PLXNA4: variants seen among roughly 807,000 people sequenced by gnomAD.
PLXNA4 encodes plexin-A4.
In PLXNA4, 44 loss-of-function variants were observed where a neutral mutation model predicts 191.8. The observed-to-expected ratio is 0.23, with a 90% CI of 0.18 to 0.29. PLXNA4 has a LOEUF of 0.29. Ranked by LOEUF, PLXNA4 falls within the 10% of genes least tolerant of loss-of-function variation. PLXNA4 has a pLI of 1.00. For synonymous variants in PLXNA4, 1,082 were observed against 1,009.5 expected, an observed-to-expected ratio of 1.07 and a Z score of -1.36; for missense variants, 1,800 against 2,488.8, an observed-to-expected ratio of 0.72 and a Z score of 5.89.
chr7:132,397,494 T>G (rs2117024446), intron 3 of PLXNA4, among the ~76,000 whole-genome samples: 1 of 152,254 alleles, frequency 6.6e-6, no homozygotes, highest in South Asian at 2.1e-4. Context: ...TACCACACAC[T>G]CATGAGAGCC....
At chr7:132,342,832 AG>A (rs1171338297) in intron 3 of PLXNA4, among the ~76,000 whole-genome samples, 1 of 151,786 alleles carries the variant, frequency 6.6e-6, no homozygotes, top group Non-Finnish European at 1.5e-5. Context: ...CTGTAATCCC[AG>A]CTACTCAGGT....
At chr7:132,418,722 C>A (rs568612983) in intron 3 of PLXNA4, among the ~76,000 whole-genome samples, 2 of 152,232 alleles carry the variant, frequency 1.3e-5, no homozygotes, top group African/African-American at 4.8e-5. Flanking sequence ...GCAAAGGGGG[C>A]AACTGGCAGT....
chr7:132,638,645 C>G (rs956690637), intron 2 of PLXNA4, among the ~76,000 whole-genome samples: 4 of 152,018 alleles, frequency 2.6e-5, no homozygotes, highest in Non-Finnish European at 5.9e-5. Context: ...GAGCAAGACT[C>G]TGTCTCAAAA....
intron 2 of PLXNA4, among the ~76,000 whole-genome samples, chr7:132,489,841 G>A (rs972890875): frequency 7.2e-5 from 11 of 152,220 alleles, no homozygotes; most frequent in Admixed American, 2.0e-4. Context: ...CAGCCCAGAT[G>A]AGCAGGGGCT....
chr7:132,266,222 T>A (rs1215235535), intron 4 of PLXNA4: 1 of 152,154 alleles, frequency 6.6e-6, no homozygotes, highest in East Asian at 1.9e-4. Context: ...TAAAAATCCA[T>A]CACAATCAAT....
At chr7:132,322,096 G>C (rs1410882689) in intron 3 of PLXNA4, among the ~76,000 whole-genome samples, 1 of 152,026 alleles carries the variant, frequency 6.6e-6, no homozygotes, top group African/African-American at 2.4e-5. Context: ...GGAAATCTTT[G>C]CATGCAGGCA....
chr7:132,286,404 C>T (rs1248533143), intron 4 of PLXNA4, among the ~76,000 whole-genome samples: 2 of 152,074 alleles, frequency 1.3e-5, no homozygotes, highest in Non-Finnish European at 2.9e-5. Context: ...CTTAGAGTGC[C>T]CCGAAAGTAA....
At chr7:132,179,515 A>G (rs570394631) in intron 20 of PLXNA4, among the ~76,000 whole-genome samples, 172 bp downstream of exon 20, 61 of 151,144 alleles carry the variant, frequency 4.0e-4, no homozygotes, top group Middle Eastern at 3.4e-3. Context: ...ACACACATGC[A>G]CACACACACA....
At chr7:132,563,090 C>CTTA (rs1801378755) in intron 1 of PLXNA4, among the ~76,000 whole-genome samples, 1 of 75,462 alleles carries the variant, frequency 1.3e-5, no homozygotes, top group African/African-American at 4.9e-5. Flanking sequence ...TCCTCCTCCT[C>CTTA]TTCTTCCTCC....
At chr7:132,567,933 CATCA>C (rs1008988039) in intron 1 of PLXNA4, among the ~76,000 whole-genome samples, 6 of 152,146 alleles carry the variant, frequency 3.9e-5, no homozygotes, top group Admixed American at 3.3e-4. Context: ...GATTTGCTCA[CATCA>C]ATCAGTGGTT....
intron 1 of PLXNA4, among the ~76,000 whole-genome samples, chr7:132,531,916 A>G (rs1244641593): frequency 6.6e-6 from 1 of 152,202 alleles, no homozygotes; most frequent in East Asian, 1.9e-4. Context: ...AGAATCACTA[A>G]TATACAGAAT....
chr7:132,563,808 CCTCCTCCTT>C (rs1801529418), intron 1 of PLXNA4, among the ~76,000 whole-genome samples: 1 of 90,476 alleles, frequency 1.1e-5, no homozygotes, highest in African/African-American at 3.9e-5. Flanking sequence ...TCCTCCTTCT[CCTCCTCCTT>C]CTCCTCCTCC....
chr7:132,396,951 C>G (rs1276144675), intron 3 of PLXNA4, among the ~76,000 whole-genome samples: 1 of 152,200 alleles, frequency 6.6e-6, no homozygotes, highest in African/African-American at 2.4e-5. Flanking sequence ...GCGGCCCTGC[C>G]CCACACCTGC....
intron 3 of PLXNA4, among the ~76,000 whole-genome samples, chr7:132,395,437 C>A (rs1332106715): frequency 6.6e-6 from 1 of 152,180 alleles, no homozygotes; most frequent in Non-Finnish European, 1.5e-5. Context: ...CAGAGAGAGT[C>A]CTGCTGAGAG....
At chr7:132,206,404 G>A (rs560692821) in intron 10 of PLXNA4, among the ~76,000 whole-genome samples, 9 of 151,312 alleles carry the variant, frequency 5.9e-5, no homozygotes, top group African/African-American at 1.9e-4. Context: ...ATATGTATGG[G>A]GATGTATACA....
At chr7:132,156,609 CG>C (rs1031686383) in intron 25 of PLXNA4, among the ~76,000 whole-genome samples, 1 of 152,182 alleles carries the variant, frequency 6.6e-6, no homozygotes, top group African/African-American at 2.4e-5. Context: ...GGGAGAAAGT[CG>C]GGGGGCATGC....
intron 2 of PLXNA4, among the ~76,000 whole-genome samples, chr7:132,602,281 C>T (rs1263123281): frequency 6.6e-6 from 1 of 152,198 alleles, no homozygotes; most frequent in Non-Finnish European, 1.5e-5. Context: ...GGCTATTTCA[C>T]CTCCTTCATG....
chr7:132,563,667 T>TCCTCCTCCTCCTC (rs1801501974), intron 1 of PLXNA4, among the ~76,000 whole-genome samples: 1 of 26,968 alleles, frequency 3.7e-5, no homozygotes, highest in Non-Finnish European at 7.2e-5. Context: ...TCCTCCTCCT[T>TCCTCCTCCTCCTC]CTCCTCCTCT....
At chr7:132,170,749 G>C (rs17166213) in intron 21 of PLXNA4, among the ~76,000 whole-genome samples, 9,646 of 152,300 alleles carry the variant, frequency 0.063, 434 homozygotes, top group Non-Finnish European at 0.078. Context: ...CAGAAGGGCT[G>C]TCATTGAAAC....
Sources: allele counts gnomAD v4.1 joint callset (sites outside exome capture counted in the v4.1 genomes callset), GRCh38; gene constraint gnomAD v4.1.1; transcripts MANE v1.5; gene names NCBI Gene and HGNC (gene_info 2026-07-23, HGNC 2026-07-21).